Variants in CAMTA1 observed in about 807,000 individuals in gnomAD.
CAMTA1 encodes the protein calmodulin binding transcription activator 1, also known as calmodulin-binding transcription activator 1.
Under a neutral mutation model 170.9 loss-of-function variants are expected in CAMTA1, and 27 were observed. The observed-to-expected ratio is 0.16, with a 90% CI of 0.12 to 0.22. The LOEUF (loss-of-function observed/expected upper bound fraction) is 0.22, where lower values mean the gene tolerates loss of function less well. CAMTA1 is among the 10% of genes least tolerant of loss of function. The pLI, the probability that CAMTA1 is intolerant of heterozygous loss-of-function variation, is 1.00. For synonymous variants in CAMTA1, 833 were observed against 891.5 expected (o/e 0.93, Z 1.17); for missense variants, 1,619 against 2,217.2 (o/e 0.73, Z 5.42).
chr1:7,422,806 C>G (rs1431130791), intron 5 of CAMTA1, among the ~76,000 whole-genome samples: 1 of 152,170 alleles, frequency 6.6e-6, no homozygotes, highest in Non-Finnish European at 1.5e-5. Flanking sequence ...GTCCCCACAC[C>G]CCCCTACATT....
chr1:7,654,410 A>G (rs1558061492), intron 7 of CAMTA1, among the ~76,000 whole-genome samples: 1 of 151,884 alleles, frequency 6.6e-6, no homozygotes. Flanking sequence ...TATTAAAAAT[A>G]AAGTGGTAGA....
intron 5 of CAMTA1, among the ~76,000 whole-genome samples, chr1:7,434,743 C>T (rs1301415410): frequency 6.6e-6 from 1 of 151,960 alleles, no homozygotes; most frequent in East Asian, 1.9e-4. Flanking sequence ...GAGTGGTGGA[C>T]AGTAGTGGGG....
intron 1 of CAMTA1, among the ~76,000 whole-genome samples, chr1:6,813,322 C>T (rs1645400340): frequency 6.6e-6 from 1 of 151,950 alleles, no homozygotes; most frequent in Admixed American, 6.6e-5. Context: ...TTTGACAGAC[C>T]TTGTGCTGTT....
chr1:7,765,943 C>T (rs1262419296), intron 22 of CAMTA1, among the ~76,000 whole-genome samples: 5 of 149,814 alleles, frequency 3.3e-5, no homozygotes, highest in African/African-American at 1.2e-4. Context: ...AGGAGAATTG[C>T]GTGAACCCGG....
chr1:7,275,795 A>G (rs531456360), intron 5 of CAMTA1, among the ~76,000 whole-genome samples: 78 of 152,322 alleles, frequency 5.1e-4, no homozygotes, highest in African/African-American at 1.9e-3. Context: ...AACCTCCTTC[A>G]TGGTGAATTT....
intron 3 of CAMTA1, among the ~76,000 whole-genome samples, chr1:6,995,290 C>CTTTTCTTTTTTTT (rs1697041869): frequency 1.2e-5 from 1 of 82,280 alleles, no homozygotes; most frequent in African/African-American, 4.8e-5. Flanking sequence ...TCTTTTTTTT[C>CTTTTCTTTTTTTT]TTTTCTTTTT....
chr1:6,836,322 G>A (rs574863161), intron 3 of CAMTA1, among the ~76,000 whole-genome samples: 61 of 152,320 alleles, frequency 4.0e-4, no homozygotes, highest in Non-Finnish European at 7.2e-4. Flanking sequence ...GGGTGAATGC[G>A]ATGAAATAGA....
intron 5 of CAMTA1, among the ~76,000 whole-genome samples, chr1:7,272,617 C>T (rs756738861): frequency 2.9e-4 from 35 of 121,738 alleles, no homozygotes; most frequent in Non-Finnish European, 4.9e-4. Flanking sequence ...TGATTTTCAA[C>T]AAAGGACCAA....
At chr1:7,524,761 C>CATCCTGCCCCTCACAGG (rs1553191558) in intron 6 of CAMTA1, among the ~76,000 whole-genome samples, 5 of 152,172 alleles carry the variant, frequency 3.3e-5, no homozygotes, top group Non-Finnish European at 5.9e-5. Flanking sequence ...TTTTCATTCA[C>CATCCTGCCCCTCACAGG]ATCCTGCCCC....
chr1:6,941,543 A>G (rs559256475), intron 3 of CAMTA1, among the ~76,000 whole-genome samples: 1 of 152,294 alleles, frequency 6.6e-6, no homozygotes, highest in Admixed American at 6.5e-5. Flanking sequence ...GTCATCCCAG[A>G]AAACACATCA....
chr1:7,366,507 A>G (rs1006226007), intron 5 of CAMTA1, among the ~76,000 whole-genome samples: 2 of 152,192 alleles, frequency 1.3e-5, no homozygotes, highest in Non-Finnish European at 2.9e-5. Context: ...TGGCAAATGG[A>G]ATTATTTACA....
rs1175382625 is a variant in CAMTA1, at chr1:6,789,865, C to CAGT, written c.45+4291_45+4293dup. ...TCACTCTATTGCCCAGGCTGGAGTG[C>CAGT]AGTGGCACGATCTCGGTTCGTGCAA... is the stretch of plus-strand genomic sequence containing the variant. On this transcript the variant is annotated intron_variant, in intron 1 of 22. Transcript: ENST00000303635. Among the ~76,000 whole-genome samples, 7 of 134,588 alleles carry CAGT rather than the reference C, an allele frequency of 5.2e-5. No individual in the cohort carries two copies. In the East Asian group the frequency reaches 1.6e-3, roughly 32 times the overall value. The allele number at this position is 134,588 out of a possible 152,430, so 88.3% of individuals were successfully genotyped here.
intron 5 of CAMTA1, chr1:7,388,605 C>G (rs2088297556): frequency 2.6e-5 from 4 of 152,598 alleles, no homozygotes; most frequent in Admixed American, 2.0e-4. Context: ...TGGAGCCCAG[C>G]CCTGTTGGTG....
rs542431932 is a variant in CAMTA1 at position 7,491,364 on chromosome 1, T to C, written c.510+23463T>C. 2.0e-5 allele frequency among the ~76,000 whole-genome samples: 3 copies of C among 152,246 alleles called. No homozygotes were observed. In the South Asian group the frequency reaches 6.2e-4, roughly 32 times the overall value. ...CTGGTGATTTCACAAACACAAACCA[T>C]AGAGGGGAAGGCTATTTCTCTCACT... On this transcript the variant is annotated intron_variant, in intron 6 of 22. Transcript: ENST00000303635.
In CAMTA1 at chr1:6,836,818, A is replaced by G. The variant is rs143980528; in HGVS notation, c.234+11608A>G. 5.3e-5 allele frequency among the ~76,000 whole-genome samples: 8 copies of G among 152,344 alleles called. No homozygotes were observed. The East Asian group carries it at 7.7e-4, about 15-fold the overall frequency. Reference sequence around the variant, plus strand: ...TAGAAAAGGCGGCCACCTCTAGTCTATAGTCAGAAGAGAAGCAGCTGTTCA... The same window carrying G: ...TAGAAAAGGCGGCCACCTCTAGTCTGTAGTCAGAAGAGAAGCAGCTGTTCA... On this transcript the variant is annotated intron_variant, in intron 3 of 22. Coordinates refer to ENST00000303635, the MANE Select transcript of CAMTA1 (RefSeq NM_015215.4).
rs186069482 is a variant in CAMTA1 at position 7,478,906 on chromosome 1, G to C, written c.510+11005G>C. ...CCTTTGGAGCAAAGGGGAGACTGTA[G>C]TTTCCAAAGCAAAAGACAAAACTTT... On this transcript the variant is annotated intron_variant, in intron 6 of 22. Coordinates refer to ENST00000303635, the MANE Select transcript of CAMTA1 (RefSeq NM_015215.4). Among the ~76,000 whole-genome samples, 6 of 152,334 alleles carry C rather than the reference G, an allele frequency of 3.9e-5. No individual in the cohort carries two copies. In the East Asian group the frequency reaches 1.2e-3, roughly 29 times the overall value.
chr1:7,320,024 A>G (rs921943274), intron 5 of CAMTA1, among the ~76,000 whole-genome samples: 5 of 152,202 alleles, frequency 3.3e-5, no homozygotes, highest in African/African-American at 1.2e-4. Context: ...TATTTTCTAC[A>G]TATACAATCA....
chr1:7,677,565 A>T, intron 10 of CAMTA1, 34 bp from the exon 11 acceptor site: 1 of 1,604,006 alleles, frequency 6.2e-7, no homozygotes, highest in Non-Finnish European at 8.5e-7. Flanking sequence ...GTACCCACCC[A>T]TCCCTTGACC....
At chr1:7,412,737 T>C (rs972160229) in intron 5 of CAMTA1, among the ~76,000 whole-genome samples, 1 of 152,122 alleles carries the variant, frequency 6.6e-6, no homozygotes, top group African/African-American at 2.4e-5. Flanking sequence ...TTTCTTTTGC[T>C]GTGCAGAAAC....
Sources: gnomAD v4.1 joint callset for allele counts (sites outside exome capture counted in the v4.1 genomes callset) on GRCh38, gnomAD v4.1.1 for gene constraint, MANE v1.5 for transcripts, NCBI Gene and HGNC (gene_info 2026-07-23, HGNC 2026-07-21) for gene names.